LPP: variants seen among roughly 807,000 people sequenced by gnomAD.
LPP encodes the protein lipoma-preferred partner.
A neutral mutation model predicts 60.4 loss-of-function variants in LPP; 38 were observed. That is an observed-to-expected ratio of 0.63 (90% CI 0.49 to 0.83). The LOEUF (loss-of-function observed/expected upper bound fraction) is 0.83. LPP is among the 40% of genes least tolerant of loss of function. LPP has a pLI of 0.00. For synonymous variants in LPP, 328 were observed against 290.8 expected, an observed-to-expected ratio of 1.13 and a Z score of -1.30; for missense variants, 902 against 783.6, an observed-to-expected ratio of 1.15 and a Z score of -1.80.
intron 7 of LPP, among the ~76,000 whole-genome samples, chr3:188,702,267 C>CA (rs1864616837): frequency 6.6e-6 from 1 of 151,834 alleles, no homozygotes; most frequent in South Asian, 2.1e-4. Flanking sequence ...TTCCTCTTAA[C>CA]AGTTTTTTAG....
rs1264426765 is a variant in LPP, at chr3:188,609,142, T to C, written c.430-19T>C. ...TAATTTTTGCTTTCTTTCTTTCTTTTTTTTCCTATTCTTTTTAGAGCTCCA... is the reference window on the plus strand; with the variant it reads ...TAATTTTTGCTTTCTTTCTTTCTTTCTTTTCCTATTCTTTTTAGAGCTCCA... On this transcript the variant is annotated intron_variant, in intron 6 of 11. Coordinates refer to ENST00000617246, the MANE Select transcript of LPP (RefSeq NM_001375462.1). The surrounding 1 kb of genome is among the most constrained non-coding windows in gnomAD (Gnocchi z 6.9). 1 of 1,542,458 alleles carries C rather than the reference T, an allele frequency of 6.5e-7. No individual in the cohort carries two copies. The highest frequency in any genetic ancestry group is 8.7e-7 in the Non-Finnish European group (1 of 1,143,784).
chr3:188,877,062 GA>G lies in LPP; in HGVS notation c.*2584del, dbSNP rs1769330633. On this transcript the variant is annotated 3_prime_UTR_variant, in exon 12 of 12. Transcript: ENST00000617246. ...ACATATGTAGAAACATTTAGATTTA[GA>G]GTTTTTTTTTTCTTTCACAAGGTAT... 1 of 129,170 alleles carries G rather than the reference GA, an allele frequency of 7.7e-6. No homozygotes were observed. The highest frequency in any genetic ancestry group is 1.8e-5 in the Non-Finnish European group (1 of 56,280). 8.0% of individuals were successfully genotyped at this position (129,170 alleles called of 1,614,324 possible). A position where few individuals can be genotyped will look rare whatever the true frequency, so the allele number is the denominator to read the frequency against.
intron 4 of LPP, among the ~76,000 whole-genome samples, chr3:188,431,943 A>G (rs1791000015): frequency 6.6e-6 from 1 of 152,070 alleles, no homozygotes; most frequent in African/African-American, 2.4e-5. Flanking sequence ...TGACAACCCC[A>G]TGTCCTTTCA....
In LPP at chr3:188,639,272, T is replaced by C. The variant is rs573135241; in HGVS notation, c.1113+29428T>C. Among the ~76,000 whole-genome samples the C allele has an allele frequency of 3.6e-3, 543 of 151,160 alleles. 4 individuals carry two copies. The highest frequency in any genetic ancestry group is 0.013 in the African/African-American group (532 of 41,346). On this transcript the variant is annotated intron_variant, in intron 7 of 11. Coordinates refer to ENST00000617246, the MANE Select transcript of LPP (RefSeq NM_001375462.1). ...GAAAAACAAGCAATGGGGAAAGGAT[T>C]CCCTATTTAATAAATGGTGCTGGGA...
chr3:188,582,222 G>A (rs532500614), intron 6 of LPP, among the ~76,000 whole-genome samples: 74 of 144,922 alleles, frequency 5.1e-4, no homozygotes, highest in South Asian at 2.5e-3. Context: ...GTGCAGTGGC[G>A]CAATTTCAGC....
intron 6 of LPP, among the ~76,000 whole-genome samples, chr3:188,582,503 G>C (rs1836484130): frequency 1.3e-5 from 2 of 151,812 alleles, no homozygotes; most frequent in African/African-American, 4.8e-5. Context: ...TTCCTTTGGT[G>C]GGGCTTGGGG....
intron 8 of LPP, among the ~76,000 whole-genome samples, chr3:188,757,597 A>G (rs574157554): frequency 4.6e-5 from 7 of 152,362 alleles, no homozygotes; most frequent in African/African-American, 1.7e-4. Context: ...CAGATCCCTG[A>G]TAGCCCTTCG....
At chr3:188,452,048 A>G (rs1353443764) in intron 4 of LPP, among the ~76,000 whole-genome samples, 1 of 152,136 alleles carries the variant, frequency 6.6e-6, no homozygotes, top group Non-Finnish European at 1.5e-5. Context: ...TCAGAGAGAA[A>G]CAGCCGTACT....
At chr3:188,667,577 C>T (rs1243383327) in intron 7 of LPP, among the ~76,000 whole-genome samples, 1 of 151,258 alleles carries the variant, frequency 6.6e-6, no homozygotes, top group Non-Finnish European at 1.5e-5. Context: ...AGCACATCTT[C>T]CAGATGTGGG....
intron 3 of LPP, among the ~76,000 whole-genome samples, chr3:188,399,141 A>C (rs1276045725): frequency 6.6e-6 from 1 of 152,242 alleles, no homozygotes. Flanking sequence ...AAGATTTCAG[A>C]GATAACGGAA....
At chr3:188,653,507 G>T (rs1345646682) in intron 7 of LPP, among the ~76,000 whole-genome samples, 1 of 152,126 alleles carries the variant, frequency 6.6e-6, no homozygotes, top group East Asian at 1.9e-4. Context: ...CTAAACAGAT[G>T]AGTTACAAAG....
chr3:188,815,983 A>G (rs1250045157), intron 9 of LPP, among the ~76,000 whole-genome samples: 2 of 152,230 alleles, frequency 1.3e-5, no homozygotes. Flanking sequence ...TCATAAGAAA[A>G]AAATGATTAT....
intron 7 of LPP, among the ~76,000 whole-genome samples, chr3:188,691,317 A>G (rs1862078706): frequency 6.6e-6 from 1 of 152,222 alleles, no homozygotes; most frequent in African/African-American, 2.4e-5. Flanking sequence ...TCATACTGGA[A>G]TCCAGGCTTC....
chr3:188,198,105 G>C (rs1284414996), intron 1 of LPP, among the ~76,000 whole-genome samples: 4 of 152,196 alleles, frequency 2.6e-5, no homozygotes, highest in Non-Finnish European at 5.9e-5. Context: ...GCCAGTCACT[G>C]TTCTAGCTGC....
intron 3 of LPP, among the ~76,000 whole-genome samples, chr3:188,356,741 T>C (rs1481493406): frequency 6.6e-6 from 1 of 152,226 alleles, no homozygotes; most frequent in Non-Finnish European, 1.5e-5. Context: ...GATTTACTAA[T>C]TGAGACCTCA....
intron 9 of LPP, among the ~76,000 whole-genome samples, chr3:188,786,568 A>T (rs1741999616): frequency 1.3e-5 from 2 of 152,028 alleles, no homozygotes; most frequent in South Asian, 2.1e-4. Context: ...CAGCAGTTGC[A>T]CTCCTGGGCA....
chr3:188,163,030 G>A (rs1295107357), intron 1 of LPP, among the ~76,000 whole-genome samples: 1 of 152,104 alleles, frequency 6.6e-6, no homozygotes, highest in Non-Finnish European at 1.5e-5. Flanking sequence ...AGACATTCAC[G>A]GGCATTTCCA....
chr3:188,293,654 G>C (rs987351583), intron 2 of LPP, among the ~76,000 whole-genome samples: 10 of 152,192 alleles, frequency 6.6e-5, no homozygotes, highest in African/African-American at 2.4e-4. Flanking sequence ...TGGCTGAATG[G>C]AAAAGCAAAA....
chr3:188,690,408 A>G (rs965658381), intron 7 of LPP, among the ~76,000 whole-genome samples: 2 of 152,212 alleles, frequency 1.3e-5, no homozygotes, highest in Non-Finnish European at 2.9e-5. Flanking sequence ...GAAGCAAAAA[A>G]TATGTTGTTT....
Sources: gnomAD v4.1 joint callset for allele counts (sites outside exome capture counted in the v4.1 genomes callset) on GRCh38, gnomAD v4.1.1 for gene constraint, Gnocchi (gnomAD v3.1) non-coding constraint, MANE v1.5 for transcripts, NCBI Gene and HGNC (gene_info 2026-07-23, HGNC 2026-07-21) for gene names.